CCNJ: variants seen among roughly 807,000 people sequenced by gnomAD.
CCNJ encodes the protein cyclin J, also known as cyclin-J.
In CCNJ, 12 loss-of-function variants were observed where a neutral mutation model predicts 41.4. That is an observed-to-expected ratio of 0.29 (90% CI 0.19 to 0.47). The LOEUF (loss-of-function observed/expected upper bound fraction) is 0.47. Among genes scored for constraint, CCNJ ranks in the 20% least tolerant of loss-of-function variants. The pLI is 1.00. For missense variants in CCNJ, 340 were observed against 464.6 expected (o/e 0.73, Z 2.47); for synonymous variants, 161 against 173.4 (o/e 0.93, Z 0.56).
chr10:96,046,539 G>A (rs1304680432), intron 2 of CCNJ, among the ~76,000 whole-genome samples: 1 of 152,194 alleles, frequency 6.6e-6, no homozygotes, highest in African/African-American at 2.4e-5. Context: ...AGGTGTTAGA[G>A]CAATAACAGT....
chr10:96,048,851 T>C (rs1173382544), intron 2 of CCNJ, among the ~76,000 whole-genome samples: 2 of 152,246 alleles, frequency 1.3e-5, no homozygotes, highest in African/African-American at 4.8e-5. Context: ...TTCCACCTTT[T>C]GGTTATTGTG....
At chr10:96,044,911 C>T (rs1273471878) in intron 2 of CCNJ, among the ~76,000 whole-genome samples, 5 of 152,172 alleles carry the variant, frequency 3.3e-5, no homozygotes, top group Non-Finnish European at 7.3e-5. Context: ...TTGATTTCCT[C>T]ATCTGTAAAA....
At position 96,043,813 on chromosome 10, in the gene CCNJ, G is replaced by A. The variant is rs1490958557; in HGVS notation, c.-42+94G>A. 6 of 386,098 alleles carry A rather than the reference G, an allele frequency of 1.6e-5. No individual in the cohort carries two copies. The East Asian group carries it at 2.2e-4, about 14-fold the overall frequency. The allele number at this position is 386,098 out of a possible 1,614,324, so 23.9% of individuals were successfully genotyped here. ...CGGGGTGAGGCGCAGAGCCTGGCTGGCCCGGCCTTTTGTTCCCCTTTCTGA... is the reference window on the plus strand; with the variant it reads ...CGGGGTGAGGCGCAGAGCCTGGCTGACCCGGCCTTTTGTTCCCCTTTCTGA... On this transcript the variant is annotated intron_variant, in intron 1 of 5. Coordinates refer to ENST00000465148, the MANE Select transcript of CCNJ (RefSeq NM_001134375.2).
chr10:96,057,216 T>G lies in CCNJ; in HGVS notation c.709T>G (p.Phe237Val). ...TCGTCTTACTGCCTACTCTTGGGATTTCTTAGTGCAGTGTATTGAACGACT... is the reference window on the plus strand; with the variant it reads ...TCGTCTTACTGCCTACTCTTGGGATGTCTTAGTGCAGTGTATTGAACGACT... ...LHRLTAYSWD[F>V]LVQCIERLLI... Residue 237 changes from phenylalanine (F) to valine (V), a missense_variant, in exon 5 of 6, where the codon TTC becomes GTC. Physicochemically the swap from Phe to Val is conservative, Grantham distance 50. Around this residue, in one of 3 missense-constraint regions of CCNJ, gnomAD observed 137 missense variants for 252.9 expected, o/e 0.54. Transcript: ENST00000465148. The G allele has an allele frequency of 6.2e-7, 1 of 1,614,118 alleles. No homozygotes were observed. The highest frequency in any genetic ancestry group is 1.1e-5 in the South Asian group (1 of 91,080).
intron 3 of CCNJ, 94 bp from the exon 4 acceptor site, chr10:96,056,606 TG>T: frequency 1.1e-6 from 1 of 879,036 alleles, no homozygotes; most frequent in Admixed American, 2.6e-5. Flanking sequence ...ATCTAAATCC[TG>T]GCAATAAGAC....
intron 3 of CCNJ, among the ~76,000 whole-genome samples, chr10:96,055,559 G>A (rs573706361): frequency 3.3e-5 from 5 of 152,314 alleles, no homozygotes; most frequent in African/African-American, 1.2e-4. Context: ...TTTATATGTA[G>A]AGACAGTAAA....
intron 3 of CCNJ, among the ~76,000 whole-genome samples, 169 bp from the exon 4 acceptor site, chr10:96,056,532 C>T (rs1382852828): frequency 1.3e-5 from 2 of 151,914 alleles, no homozygotes; most frequent in African/African-American, 2.4e-5. Context: ...GGGATGGTGG[C>T]ACTGGGAAAG....
Position 96,044,403 on chromosome 10 carries a change from G to A in CCNJ, c.10G>A (p.Glu4Lys). The A allele has an allele frequency of 1.3e-6, 2 of 1,558,896 alleles. No homozygotes were observed. The highest frequency in any genetic ancestry group is 8.7e-7 in the Non-Finnish European group (1 of 1,147,632). The part of the protein sequence containing the change: MEL[E>K]GQWWRGQLAA... Reference sequence around the variant, plus strand: ...CGCGCCGCCGGGTCCCATGGAGCTGGAGGGGCAGTGGTGGCGAGGACAGCT... The same window carrying A: ...CGCGCCGCCGGGTCCCATGGAGCTGAAGGGGCAGTGGTGGCGAGGACAGCT... The change falls in exon 2 of 6, where the codon GAG becomes AAG. Residue 4 changes from glutamate (E) to lysine (K), a missense_variant. This residue lies in a region of CCNJ where 44 missense variants were observed against 43.6 expected (regional missense o/e 1.01). Transcript: ENST00000465148.
rs1422117318 is a variant in CCNJ, at chr10:96,060,591, G to C, written c.*2350G>C. 6.8e-6 allele frequency: 1 copy of C among 146,046 alleles called. No homozygotes were observed. Among genetic ancestry groups the C allele is most frequent in the Non-Finnish European group, 1.5e-5 (1 of 66,286 alleles). The allele number at this position is 146,046 out of a possible 1,614,324, so 9.0% of individuals were successfully genotyped here. ...GGTGGGGGAACATTGTGTGGGTTTT[G>C]TTTTGTTTAATTTATTGATTAGTCT... is the stretch of plus-strand genomic sequence containing the variant. On this transcript the variant is annotated 3_prime_UTR_variant, in exon 6 of 6. Transcript: ENST00000465148.
rs200852141 is a variant in CCNJ at position 96,059,589 on chromosome 10, GT to G, written c.*1349del. ...AACTGTATACATTGTGCTCCTTTCTGTGGGAGAAGAAAGATTTGGTGGAGGG... is the reference window on the plus strand; with the variant it reads ...AACTGTATACATTGTGCTCCTTTCTGGGGAGAAGAAAGATTTGGTGGAGGG... On this transcript the variant is annotated 3_prime_UTR_variant, in exon 6 of 6. Transcript: ENST00000465148. 45,345 of 152,048 alleles carry G rather than the reference GT, an allele frequency of 0.3. 7,534 individuals carry two copies. The highest frequency in any genetic ancestry group is 0.51 in the East Asian group (2,619 of 5,156). 9.4% of individuals were successfully genotyped at this position (152,048 alleles called of 1,614,324 possible). A position where few individuals can be genotyped will look rare whatever the true frequency, so the allele number is the denominator to read the frequency against.
At chr10:96,057,735 G>A in intron 5 of CCNJ, 95 bp from the exon 6 acceptor site, 2 of 1,113,076 alleles carry the variant, frequency 1.8e-6, no homozygotes, top group East Asian at 2.5e-5. Context: ...TAGTGGTGGT[G>A]GAAGAAGCTG....
At position 96,059,286 on chromosome 10, in the gene CCNJ, T is replaced by G. The variant is rs1190686401; in HGVS notation, c.*1045T>G. ...GAAGGGACTGTGGCCAGGGTAGTTCTCAGGTTGTGCTAGAGCAGCACTTTG... is the reference window on the plus strand; with the variant it reads ...GAAGGGACTGTGGCCAGGGTAGTTCGCAGGTTGTGCTAGAGCAGCACTTTG... On this transcript the variant is annotated 3_prime_UTR_variant, in exon 6 of 6. Coordinates refer to ENST00000465148, the MANE Select transcript of CCNJ (RefSeq NM_001134375.2). The G allele has an allele frequency of 6.6e-6, 1 of 152,646 alleles. No homozygotes were observed. The highest frequency in any genetic ancestry group is 2.4e-5 in the African/African-American group (1 of 41,458). 9.5% of individuals were successfully genotyped at this position (152,646 alleles called of 1,614,324 possible).
In CCNJ at chr10:96,058,657, A is replaced by G. The variant is rs146512667; in HGVS notation, c.*416A>G. 2 of 400,306 alleles carry G rather than the reference A, an allele frequency of 5.0e-6. No homozygotes were observed. The highest frequency in any genetic ancestry group is 4.3e-5 in the Admixed American group (1 of 23,254). The allele number at this position is 400,306 out of a possible 1,614,324, so 24.8% of individuals were successfully genotyped here. A position where few individuals can be genotyped will look rare whatever the true frequency, so the allele number is the denominator to read the frequency against. The stretch of plus-strand genomic sequence containing the variant: ...CTTGCCAAACAGTCTTTTATGAAGG[A>G]AAGTTACAGTATTAATTTTTGAAAA... On this transcript the variant is annotated 3_prime_UTR_variant, in exon 6 of 6. Transcript: ENST00000465148.
chr10:96,043,797 GCGCAGAGCCTGGCT>G (rs1204753993), intron 1 of CCNJ, 78 bp downstream of exon 1: 16 of 386,450 alleles, frequency 4.1e-5, no homozygotes, highest in Non-Finnish European at 7.3e-5. Context: ...CCGGGGTGAG[GCGCAGAGCCTGGCT>G]GGCCCGGCCT....
chr10:96,053,942 T>C (rs1378867316), intron 3 of CCNJ, among the ~76,000 whole-genome samples: 1 of 152,162 alleles, frequency 6.6e-6, no homozygotes, highest in Non-Finnish European at 1.5e-5. Context: ...GGATGACTTT[T>C]TTCCCCCTAC....
chr10:96,057,121 T>C lies in CCNJ; in HGVS notation c.614T>C (p.Val205Ala). Residue 205 changes from valine (V) to alanine (A), a missense_variant, in exon 5 of 6, where the codon GTA becomes GCA. Physicochemically the swap from Val to Ala is moderately conservative, Grantham distance 64. This residue lies in a region of CCNJ where 137 missense variants were observed against 252.9 expected (regional missense o/e 0.54). Transcript: ENST00000465148. ...YAFLNYAPSL[V>A]AAACVASSRI... is the part of the protein sequence containing the mutation. ...TTTCTAAATTATGCACCTTCTTTAG[T>C]AGCTGCTGCATGTGTGGCTTCTTCG... is the stretch of plus-strand genomic sequence containing the variant. 6.2e-7 allele frequency: 1 copy of C among 1,614,136 alleles called. No homozygotes were observed. Among genetic ancestry groups the C allele is most frequent in the South Asian group, 1.1e-5 (1 of 91,082 alleles).
chr10:96,057,193 G>A lies in CCNJ; in HGVS notation c.686G>A (p.Arg229His), dbSNP rs771535762. ...CCAACGTGGCCTACAAGACTACATCGTCTTACTGCCTACTCTTGGGATTTC... is the reference window on the plus strand; with the variant it reads ...CCAACGTGGCCTACAAGACTACATCATCTTACTGCCTACTCTTGGGATTTC... ...LSPTWPTRLH[R>H]LTAYSWDFLV... The change falls in exon 5 of 6, where the codon CGT becomes CAT. Residue 229 changes from arginine (R) to histidine (H), a missense_variant. Physicochemically the swap from Arg to His is conservative, Grantham distance 29. Around this residue, in one of 3 missense-constraint regions of CCNJ, gnomAD observed 137 missense variants for 252.9 expected, o/e 0.54. Transcript: ENST00000465148. 1.2e-5 allele frequency: 20 copies of A among 1,613,962 alleles called. No individual in the cohort carries two copies. The highest frequency in any genetic ancestry group is 3.3e-4 in the Middle Eastern group (2 of 6,062).
At chr10:96,048,663 G>A (rs1198096243) in intron 2 of CCNJ, among the ~76,000 whole-genome samples, 2 of 152,068 alleles carry the variant, frequency 1.3e-5, no homozygotes, top group African/African-American at 4.8e-5. Flanking sequence ...ACTATTCTAG[G>A]TAACTCATTA....
intron 3 of CCNJ, among the ~76,000 whole-genome samples, chr10:96,051,327 G>A (rs2080517074): frequency 6.6e-6 from 1 of 151,832 alleles, no homozygotes; most frequent in Non-Finnish European, 1.5e-5. Context: ...AATTGAAATT[G>A]TGTTTTTTTT....
Sources: gnomAD v4.1 joint callset for allele counts (sites outside exome capture counted in the v4.1 genomes callset) on GRCh38, gnomAD v4.1.1 for gene constraint, gnomAD v4.1.1 regional missense constraint, MANE v1.5 for transcripts, NCBI Gene and HGNC (gene_info 2026-07-23, HGNC 2026-07-21) for gene names.